KPNA1: variants seen among roughly 807,000 people sequenced by gnomAD.
KPNA1 encodes the protein karyopherin subunit alpha 1.
In KPNA1, 10 loss-of-function variants were observed where a neutral mutation model predicts 70.5. The observed-to-expected ratio is 0.14, with a 90% CI of 0.09 to 0.24. KPNA1 has a LOEUF of 0.24. Among genes scored for constraint, KPNA1 ranks in the 10% least tolerant of loss-of-function variants. The pLI, the probability that KPNA1 is intolerant of heterozygous loss-of-function variation, is 1.00. For missense variants in KPNA1, 397 were observed against 637.9 expected (o/e 0.62, Z 4.07); for synonymous variants, 192 against 221.9 (o/e 0.87, Z 1.20).
chr3:122,430,541 T>G (rs1445954087), intron 12 of KPNA1, among the ~76,000 whole-genome samples: 1 of 129,350 alleles, frequency 7.7e-6, no homozygotes, highest in Non-Finnish European at 1.8e-5. Context: ...TGTGTGTGTG[T>G]GTGGTTTCTC....
chr3:122,467,165 T>C (rs545245139), intron 3 of KPNA1, among the ~76,000 whole-genome samples, 157 bp downstream of exon 3: 2 of 152,258 alleles, frequency 1.3e-5, no homozygotes, highest in East Asian at 1.9e-4. Context: ...ATCCAAAATA[T>C]AATAAACATT....
intron 13 of KPNA1, 72 bp downstream of exon 13, chr3:122,427,466 T>G (rs960744108): frequency 1.1e-5 from 16 of 1,422,736 alleles, no homozygotes; most frequent in African/African-American, 8.5e-5. Flanking sequence ...AGTAGTAGTA[T>G]TGTTTTTACT....
chr3:122,440,394 A>T (rs1260760795), intron 10 of KPNA1, among the ~76,000 whole-genome samples: 1 of 152,112 alleles, frequency 6.6e-6, no homozygotes. Context: ...GTGGAGACAC[A>T]TGTTCCAGGC....
At chr3:122,460,099 C>T (rs2076306738) in intron 5 of KPNA1, 3 of 985,248 alleles carry the variant, frequency 3.0e-6, no homozygotes, top group Non-Finnish European at 3.6e-6. Context: ...TGGTACCTAA[C>T]CAATTTTTAT....
At chr3:122,514,362 C>G (rs1024638897) in intron 1 of KPNA1, 2 of 152,142 alleles carry the variant, frequency 1.3e-5, no homozygotes, top group African/African-American at 4.8e-5. Context: ...CTCTGCGCGG[C>G]CCACCCCCGC....
chr3:122,436,944 AT>A (rs1234097268), intron 11 of KPNA1, among the ~76,000 whole-genome samples: 25 of 152,116 alleles, frequency 1.6e-4, no homozygotes, highest in East Asian at 1.4e-3. Context: ...CGACTGGCTA[AT>A]TTTTTTGTAT....
At chr3:122,436,887 C>T (rs2075995616) in intron 11 of KPNA1, among the ~76,000 whole-genome samples, 1 of 152,198 alleles carries the variant, frequency 6.6e-6, no homozygotes, top group African/African-American at 2.4e-5. Flanking sequence ...AAGTAATTCT[C>T]CTCCCTCAGC....
intron 2 of KPNA1, among the ~76,000 whole-genome samples, chr3:122,484,626 G>C (rs1381412995): frequency 6.6e-6 from 1 of 151,690 alleles, no homozygotes; most frequent in Non-Finnish European, 1.5e-5. Context: ...CTGGGAGACA[G>C]AGTGAGACTC....
intron 2 of KPNA1, among the ~76,000 whole-genome samples, chr3:122,468,554 G>GA (rs1477560436): frequency 6.6e-6 from 1 of 152,052 alleles, no homozygotes; most frequent in Non-Finnish European, 1.5e-5. Flanking sequence ...CAGCTATCAA[G>GA]AAAAAATTAC....
chr3:122,445,908 A>T (rs535748825), intron 9 of KPNA1, among the ~76,000 whole-genome samples: 24 of 152,314 alleles, frequency 1.6e-4, no homozygotes, highest in Non-Finnish European at 3.2e-4. Flanking sequence ...ACCAACAAAG[A>T]TCAAAAGAGA....
intron 9 of KPNA1, among the ~76,000 whole-genome samples, chr3:122,448,557 C>T (rs542326122): frequency 1.8e-4 from 28 of 152,144 alleles, no homozygotes; most frequent in African/African-American, 6.5e-4. Context: ...AACACTTGGA[C>T]ACAGGGCGGG....
intron 11 of KPNA1, among the ~76,000 whole-genome samples, chr3:122,435,511 A>G (rs1174038520): frequency 6.6e-6 from 1 of 152,260 alleles, no homozygotes; most frequent in Non-Finnish European, 1.5e-5. Flanking sequence ...CGTTAAAGCC[A>G]ATCGTGCTCA....
At chr3:122,428,106 T>C (rs1467064005) in intron 12 of KPNA1, among the ~76,000 whole-genome samples, 2 of 152,224 alleles carry the variant, frequency 1.3e-5, no homozygotes, top group African/African-American at 4.8e-5. Flanking sequence ...AGCACAAGCC[T>C]GATAAGCCAA....
chr3:122,438,115 G>A (rs561925688), intron 10 of KPNA1, among the ~76,000 whole-genome samples: 2 of 152,276 alleles, frequency 1.3e-5, no homozygotes, highest in South Asian at 4.2e-4. Context: ...GGCCTGGTAG[G>A]AGGTGACTGG....
chr3:122,426,766 C>T lies in KPNA1; in HGVS notation c.*219G>A. ...GGATTTTTCCGTAAAAGAGAGTGGG[C>T]CGTTCTGGTTACCCTTTTATTAGAA... On this transcript the variant is annotated 3_prime_UTR_variant, in exon 14 of 14. Transcript: ENST00000344337. 2.3e-6 allele frequency: 1 copy of T among 438,462 alleles called. No individual in the cohort carries two copies. The highest frequency in any genetic ancestry group is 4.1e-6 in the Non-Finnish European group (1 of 246,534). 27.2% of individuals were successfully genotyped at this position (438,462 alleles called of 1,614,324 possible).
chr3:122,452,899 A>C (rs2076227140), intron 6 of KPNA1, among the ~76,000 whole-genome samples: 1 of 152,190 alleles, frequency 6.6e-6, no homozygotes, highest in Non-Finnish European at 1.5e-5. Flanking sequence ...ACAGTGAACA[A>C]AAAGAAACTT....
intron 1 of KPNA1, among the ~76,000 whole-genome samples, chr3:122,499,294 T>G (rs1293350180): frequency 6.6e-6 from 1 of 152,242 alleles, no homozygotes; most frequent in Non-Finnish European, 1.5e-5. Flanking sequence ...GTCTTTTACA[T>G]TAAGCATGAT....
intron 13 of KPNA1, 93 bp downstream of exon 13, chr3:122,427,445 C>T: frequency 8.1e-7 from 1 of 1,235,910 alleles, no homozygotes; most frequent in Non-Finnish European, 1.1e-6. Context: ...TCTTTTCATC[C>T]AGTGCCTAGC....
At chr3:122,474,112 A>C (rs924716173) in intron 2 of KPNA1, among the ~76,000 whole-genome samples, 1 of 152,184 alleles carries the variant, frequency 6.6e-6, no homozygotes, top group Non-Finnish European at 1.5e-5. Context: ...TACACTCCCC[A>C]AAAAACAGAA....
Sources: allele counts gnomAD v4.1 joint callset (sites outside exome capture counted in the v4.1 genomes callset), GRCh38; gene constraint gnomAD v4.1.1; transcripts MANE v1.5; gene names NCBI Gene and HGNC (gene_info 2026-07-23, HGNC 2026-07-21).